Variants in PCDH15 observed in about 807,000 individuals in gnomAD.
The protein encoded by PCDH15 is protocadherin related 15.
Under a neutral mutation model 178.5 loss-of-function variants are expected in PCDH15, and 129 were observed. The observed-to-expected ratio is 0.72, with a 90% confidence interval of 0.63 to 0.84. The LOEUF (loss-of-function observed/expected upper bound fraction) is 0.84. Among genes scored for constraint, PCDH15 ranks in the 40% least tolerant of loss-of-function variants. The pLI, the probability that PCDH15 is intolerant of heterozygous loss-of-function variation, is 0.00. For missense variants in PCDH15, 2,230 were observed against 2,099.9 expected (o/e 1.06, Z -1.21); for synonymous variants, 800 against 732.0 (o/e 1.09, Z -1.50).
intron 3 of PCDH15, among the ~76,000 whole-genome samples, chr10:54,429,885 T>C (rs1437372705): frequency 2.6e-5 from 4 of 152,160 alleles, no homozygotes; most frequent in African/African-American, 9.6e-5. Context: ...AATACAACAA[T>C]AGTTGGAGAC....
chr10:55,285,565 T>C (rs1842848037), intron 1 of PCDH15, among the ~76,000 whole-genome samples: 1 of 151,868 alleles, frequency 6.6e-6, no homozygotes, highest in Non-Finnish European at 1.5e-5. Flanking sequence ...CTTTTTTCTT[T>C]CTTAATTTAT....
intron 1 of PCDH15, among the ~76,000 whole-genome samples, chr10:54,680,638 C>A (rs958359919): frequency 6.6e-6 from 1 of 152,076 alleles, no homozygotes; most frequent in African/African-American, 2.4e-5. Context: ...AATCACGGGG[C>A]ATTTTCCCCC....
intron 1 of PCDH15, among the ~76,000 whole-genome samples, chr10:55,179,754 G>T (rs1289817493): frequency 1.3e-5 from 2 of 151,848 alleles, no homozygotes; most frequent in African/African-American, 4.8e-5. Context: ...AGTGAAAGGG[G>T]TGTATTGTTT....
chr10:53,874,326 C>A (rs1338017896), intron 26 of PCDH15, among the ~76,000 whole-genome samples: 2 of 152,194 alleles, frequency 1.3e-5, no homozygotes, highest in Non-Finnish European at 2.9e-5. Context: ...CTGCTACTAT[C>A]ACCCCAAACT....
intron 2 of PCDH15, among the ~76,000 whole-genome samples, chr10:55,128,183 T>A (rs1382157342): frequency 6.6e-6 from 1 of 151,946 alleles, no homozygotes; most frequent in Non-Finnish European, 1.5e-5. Flanking sequence ...AAGCTATTCC[T>A]CTCAACCCTC....
At chr10:54,905,492 C>T (rs995129926) in intron 2 of PCDH15, among the ~76,000 whole-genome samples, 2 of 152,092 alleles carry the variant, frequency 1.3e-5, no homozygotes, top group Non-Finnish European at 2.9e-5. Context: ...TATTTTTCTT[C>T]ATTTCTAATG....
At chr10:54,566,151 T>A (rs886443018) in intron 2 of PCDH15, among the ~76,000 whole-genome samples, 1 of 152,150 alleles carries the variant, frequency 6.6e-6, no homozygotes, top group African/African-American at 2.4e-5. Context: ...CTATTCAATT[T>A]GTGGTATAAT....
At chr10:55,071,995 CTACTGGG>C (rs1841759235) in intron 2 of PCDH15, among the ~76,000 whole-genome samples, 1 of 150,702 alleles carries the variant, frequency 6.6e-6, no homozygotes. Context: ...TCCTGAATGA[CTACTGGG>C]TACCTAACGA....
chr10:55,315,457 C>T (rs891184797), intron 1 of PCDH15, among the ~76,000 whole-genome samples: 1 of 152,024 alleles, frequency 6.6e-6, no homozygotes. Context: ...CAAAGTTACA[C>T]AGTTTATTAA....
intron 1 of PCDH15, among the ~76,000 whole-genome samples, chr10:54,797,422 A>G (rs1289005752): frequency 1.3e-5 from 2 of 151,746 alleles, no homozygotes; most frequent in African/African-American, 4.8e-5. Context: ...AACAAGGTTT[A>G]TGATATAAAA....
chr10:54,639,606 T>A (rs1468433619), intron 2 of PCDH15, among the ~76,000 whole-genome samples: 3 of 152,144 alleles, frequency 2.0e-5, no homozygotes. Context: ...ATATTTGACA[T>A]CACTACAAAG....
At chr10:55,585,116 C>T (rs77806951) in intron 2 of PCDH15, among the ~76,000 whole-genome samples, 2,449 of 151,148 alleles carry the variant, frequency 0.016, 67 homozygotes, top group African/African-American at 0.056. Flanking sequence ...TTTTTTCTTC[C>T]TTCCTGTAAA....
chr10:55,349,889 G>T (rs1477728964), intron 2 of PCDH15, among the ~76,000 whole-genome samples: 1 of 151,878 alleles, frequency 6.6e-6, no homozygotes, highest in East Asian at 1.9e-4. Flanking sequence ...TTTAACTCAT[G>T]GAGGGAGATT....
intron 1 of PCDH15, among the ~76,000 whole-genome samples, chr10:54,795,971 C>A (rs1951911360): frequency 1.3e-5 from 2 of 151,794 alleles, no homozygotes; most frequent in African/African-American, 4.8e-5. Flanking sequence ...TGAATTACAT[C>A]CTTTTATCAC....
chr10:54,631,967 A>C (rs997719845), intron 2 of PCDH15, among the ~76,000 whole-genome samples: 2 of 152,112 alleles, frequency 1.3e-5, no homozygotes, highest in African/African-American at 4.8e-5. Flanking sequence ...GATTAAAAGG[A>C]TTACAATTCA....
intron 2 of PCDH15, among the ~76,000 whole-genome samples, chr10:55,050,426 T>C (rs1841130278): frequency 6.6e-6 from 1 of 152,010 alleles, no homozygotes; most frequent in Non-Finnish European, 1.5e-5. Context: ...TAGGTAAAAG[T>C]GCATCAAAAC....
At chr10:55,416,791 T>C (rs1838494449) in intron 2 of PCDH15, among the ~76,000 whole-genome samples, 1 of 151,784 alleles carries the variant, frequency 6.6e-6, no homozygotes, top group Non-Finnish European at 1.5e-5. Context: ...ATATACAATT[T>C]CATATATAGA....
intron 2 of PCDH15, among the ~76,000 whole-genome samples, chr10:55,071,517 T>C (rs1841746795): frequency 6.6e-6 from 1 of 151,926 alleles, no homozygotes; most frequent in Non-Finnish European, 1.5e-5. Flanking sequence ...TACATAATGG[T>C]AAAGGAATCA....
At chr10:54,018,191 T>C (rs1018239792) in intron 20 of PCDH15, among the ~76,000 whole-genome samples, 1 of 152,136 alleles carries the variant, frequency 6.6e-6, no homozygotes, top group African/African-American at 2.4e-5. Context: ...TATAGTCTTC[T>C]ACTAAGGTCC....
Sources: allele counts gnomAD v4.1 joint callset (sites outside exome capture counted in the v4.1 genomes callset), GRCh38; gene constraint gnomAD v4.1.1; transcripts MANE v1.5; gene names NCBI Gene and HGNC (gene_info 2026-07-23, HGNC 2026-07-21).